FBN1: variants seen among roughly 807,000 people sequenced by gnomAD.
FBN1 encodes fibrillin-1.
In FBN1, 29 loss-of-function variants were observed where a neutral mutation model predicts 365.1. The observed-to-expected ratio is 0.08, with a 90% CI of 0.06 to 0.11. The LOEUF is 0.11. Ranked by LOEUF, FBN1 falls within the 10% of genes least tolerant of loss-of-function variation. The pLI, the probability that FBN1 is intolerant of heterozygous loss-of-function variation, is 1.00. For synonymous variants in FBN1, 1,210 were observed against 1,270.5 expected (o/e 0.95, Z 1.01); for missense variants, 2,476 against 3,703.2 (o/e 0.67, Z 8.60).
intron 17 of FBN1, 120 bp downstream of exon 17, chr15:48,503,656 CAAGACCCCAAG>C: frequency 8.3e-7 from 1 of 1,209,308 alleles, no homozygotes; most frequent in Non-Finnish European, 1.2e-6. Flanking sequence ...TGGCCTCTGC[CAAGACCCCAAG>C]AAGGCACATG....
At chr15:48,595,939 C>A (rs1386783020) in intron 6 of FBN1, among the ~76,000 whole-genome samples, 2 of 152,190 alleles carry the variant, frequency 1.3e-5, no homozygotes, top group African/African-American at 4.8e-5. Flanking sequence ...CCACTTAATT[C>A]ACTGGCATAA....
chr15:48,624,248 C>A (rs1889829124), intron 2 of FBN1, among the ~76,000 whole-genome samples: 1 of 152,228 alleles, frequency 6.6e-6, no homozygotes, highest in South Asian at 2.1e-4. Context: ...AGTCAGCACT[C>A]TTCACTTCAT....
chr15:48,429,570 C>T (rs1457816880), intron 56 of FBN1, among the ~76,000 whole-genome samples: 1 of 152,180 alleles, frequency 6.6e-6, no homozygotes, highest in Non-Finnish European at 1.5e-5. Context: ...AGTGTTAAAA[C>T]AGGTTCAAAA....
At chr15:48,432,478 A>G (rs2043030486) in intron 55 of FBN1, among the ~76,000 whole-genome samples, 1 of 152,216 alleles carries the variant, frequency 6.6e-6, no homozygotes, top group Non-Finnish European at 1.5e-5. Flanking sequence ...TTCTCAGAGC[A>G]TTTTGTATAT....
intron 6 of FBN1, among the ~76,000 whole-genome samples, chr15:48,567,998 TAAGAAAGA>T (rs55984910): frequency 3.1e-3 from 173 of 56,520 alleles, no homozygotes; most frequent in East Asian, 5.9e-3. Context: ...AGTATACAGA[TAAGAAAGA>T]AAGAAAGAAA....
At chr15:48,453,914 G>C (rs1046284252) in intron 44 of FBN1, among the ~76,000 whole-genome samples, 2 of 151,984 alleles carry the variant, frequency 1.3e-5, no homozygotes, top group Admixed American at 6.6e-5. Context: ...TAAATGCAAG[G>C]CTTGATTTAT....
At chr15:48,437,618 C>T in intron 51 of FBN1, 150 bp downstream of exon 51, 2 of 947,564 alleles carry the variant, frequency 2.1e-6, no homozygotes, top group Admixed American at 2.3e-5. Flanking sequence ...CTACCAAGCT[C>T]CTGAGATAAA....
chr15:48,427,245 T>C (rs1051152834), intron 58 of FBN1, among the ~76,000 whole-genome samples: 8 of 152,252 alleles, frequency 5.3e-5, no homozygotes, highest in African/African-American at 1.9e-4. Flanking sequence ...TTAATAATCA[T>C]TTATTTCAAA....
chr15:48,605,989 C>A (rs902088608), intron 4 of FBN1, among the ~76,000 whole-genome samples: 23 of 152,182 alleles, frequency 1.5e-4, no homozygotes, highest in African/African-American at 5.3e-4. Context: ...ACATCACTAT[C>A]CAATAGGGAA....
intron 6 of FBN1, among the ~76,000 whole-genome samples, chr15:48,548,023 T>C (rs973886006): frequency 4.6e-5 from 7 of 152,134 alleles, no homozygotes; most frequent in African/African-American, 1.7e-4. Context: ...CAAAACCCGA[T>C]TATGTAGATT....
rs759591158 is a variant in FBN1, at chr15:48,520,964, C to T, written c.989-147G>A. The T allele has an allele frequency of 1.5e-4, 166 of 1,075,232 alleles. 1 individual carries two copies. The highest frequency in any genetic ancestry group is 3.6e-4 in the East Asian group (14 of 38,888). 66.6% of individuals were successfully genotyped at this position (1,075,232 alleles called of 1,614,324 possible). ...TGCCCCCCGGAAGGGAAGCTGCGAGCGCTGCACAGGAACAGTGCTCAGTCA... is the reference window on the plus strand; with the variant it reads ...TGCCCCCCGGAAGGGAAGCTGCGAGTGCTGCACAGGAACAGTGCTCAGTCA... On this transcript the variant is annotated intron_variant, in intron 9 of 65. Transcript: ENST00000316623.
chr15:48,530,525 C>T (rs1484426293), intron 8 of FBN1, among the ~76,000 whole-genome samples: 1 of 152,014 alleles, frequency 6.6e-6, no homozygotes, highest in African/African-American at 2.4e-5. Context: ...CCAGGCCTGC[C>T]TTATTTCCAG....
rs957796495 is a variant in FBN1, at chr15:48,409,464, C to T, written c.*1526G>A. On this transcript the variant is annotated 3_prime_UTR_variant, in exon 66 of 66. Coordinates refer to ENST00000316623, the MANE Select transcript of FBN1 (RefSeq NM_000138.5). ...CTCTTATTTTCACTACCACGAAATGCTTTCCTGCCCTTAGGGATTTAAAAA... is the reference window on the plus strand; with the variant it reads ...CTCTTATTTTCACTACCACGAAATGTTTTCCTGCCCTTAGGGATTTAAAAA... The T allele has an allele frequency of 2.6e-4, 40 of 152,316 alleles. No homozygotes were observed. The highest frequency in any genetic ancestry group is 9.6e-4 in the African/African-American group (40 of 41,564). 9.4% of individuals were successfully genotyped at this position (152,316 alleles called of 1,614,324 possible).
intron 2 of FBN1, among the ~76,000 whole-genome samples, chr15:48,614,197 A>T (rs1209441571): frequency 1.3e-5 from 2 of 152,188 alleles, no homozygotes; most frequent in Admixed American, 6.5e-5. Context: ...CTGAGGGCCT[A>T]AGCATTGATG....
At chr15:48,583,136 G>A (rs564830594) in intron 6 of FBN1, among the ~76,000 whole-genome samples, 4 of 152,314 alleles carry the variant, frequency 2.6e-5, no homozygotes, top group East Asian at 1.9e-4. Flanking sequence ...GGCGGGATGC[G>A]TGTGTTTCAT....
rs200841830 is a variant in FBN1 at position 48,437,402 on chromosome 15, C to A, written c.6314-15G>T. 1 of 1,601,590 alleles carries A rather than the reference C, an allele frequency of 6.2e-7. No homozygotes were observed. On this transcript the variant is annotated splice_polypyrimidine_tract_variant and intron_variant, in intron 51 of 65. Coordinates refer to ENST00000316623, the MANE Select transcript of FBN1 (RefSeq NM_000138.5). ...GCGGAAGGCCTCTGTGGTGGAGACACTCATTAATAGATAGAACAATAGCAA... is the reference window on the plus strand; with the variant it reads ...GCGGAAGGCCTCTGTGGTGGAGACAATCATTAATAGATAGAACAATAGCAA...
chr15:48,427,843 G>A (rs2042990146), intron 57 of FBN1, 70 bp from the exon 58 acceptor site: 2 of 1,489,182 alleles, frequency 1.3e-6, no homozygotes, highest in South Asian at 1.2e-5. Context: ...TTAAAAATTT[G>A]GTCAGATATA....
chr15:48,637,598 C>T (rs907881831), intron 2 of FBN1, among the ~76,000 whole-genome samples: 40 of 152,324 alleles, frequency 2.6e-4, no homozygotes, highest in South Asian at 2.1e-4. Context: ...CTCATCTTTC[C>T]TTTATTTCTC....
chr15:48,446,023 C>T (rs2043155800), intron 47 of FBN1, among the ~76,000 whole-genome samples: 1 of 151,966 alleles, frequency 6.6e-6, no homozygotes, highest in Admixed American at 6.6e-5. Flanking sequence ...GTTCATAGTC[C>T]TGAATCATAT....
Sources: allele counts gnomAD v4.1 joint callset (sites outside exome capture counted in the v4.1 genomes callset), GRCh38; gene constraint gnomAD v4.1.1; transcripts MANE v1.5; gene names NCBI Gene and HGNC (gene_info 2026-07-23, HGNC 2026-07-21).